The following DNM2 variants were observed in gnomAD, a reference collection of about 807,000 sequenced individuals.
The protein encoded by DNM2 is dynamin-2.
DNM2 carries 15 observed loss-of-function variants against 99.0 expected under a neutral mutation model. The ratio of observed to expected loss-of-function variants is 0.15; its 90% CI spans 0.10 to 0.23. DNM2 has a LOEUF of 0.23. Among genes scored for constraint, DNM2 ranks in the 10% least tolerant of loss-of-function variants. The pLI, the probability that DNM2 is intolerant of heterozygous loss-of-function variation, is 1.00. For missense variants in DNM2, 742 were observed against 1,189.4 expected (o/e 0.62, Z 5.53); for synonymous variants, 525 against 481.2 (o/e 1.09, Z -1.19).
chr19:10,802,652 C>T, intron 12 of DNM2: 1 of 477,778 alleles, frequency 2.1e-6, no homozygotes, highest in Non-Finnish European at 3.9e-6. Flanking sequence ...CTGCTGCACC[C>T]CCTCTCCTTC....
intron 9 of DNM2, 66 bp from the exon 10 acceptor site, chr19:10,797,314 C>G: frequency 6.3e-7 from 1 of 1,599,396 alleles, no homozygotes. Context: ...GTCTCCTGTC[C>G]TGCGTGTGTG....
At chr19:10,726,300 A>C (rs979255028) in intron 1 of DNM2, among the ~76,000 whole-genome samples, 1 of 151,456 alleles carries the variant, frequency 6.6e-6, no homozygotes, top group African/African-American at 2.4e-5. Context: ...GGCCCAAGCG[A>C]TCCTCCTGCC....
intron 11 of DNM2, among the ~76,000 whole-genome samples, chr19:10,800,069 C>T (rs2072082342): frequency 6.6e-6 from 1 of 152,126 alleles, no homozygotes; most frequent in Non-Finnish European, 1.5e-5. Flanking sequence ...GTTGGCCAGG[C>T]TGGTCTTGAA....
chr19:10,822,741 C>T (rs2073016300), intron 16 of DNM2, among the ~76,000 whole-genome samples: 1 of 152,034 alleles, frequency 6.6e-6, no homozygotes, highest in African/African-American at 2.4e-5. Flanking sequence ...TCAGTTGATC[C>T]TCCTGCCTCA....
At position 10,775,066 on chromosome 19, in the gene DNM2, T is replaced by G. The variant is rs138974393; in HGVS notation, c.386-637T>G. ...GATGACAGGCATGAGTCACCGCGCCTGGCCTCATCCATTTGTCTTTTGTTT... is the reference window on the plus strand; with the variant it reads ...GATGACAGGCATGAGTCACCGCGCCGGGCCTCATCCATTTGTCTTTTGTTT... On this transcript the variant is annotated intron_variant, in intron 3 of 20. Coordinates refer to ENST00000389253, the MANE Select transcript of DNM2 (RefSeq NM_001005361.3). The surrounding 1 kb of genome is among the most constrained non-coding windows in gnomAD (Gnocchi z 4.3). Among the ~76,000 whole-genome samples, 483 of 147,658 alleles carry G rather than the reference T, an allele frequency of 3.3e-3. 1 individual carries two copies. Among genetic ancestry groups the G allele is most frequent in the African/African-American group, 0.012 (469 of 39,830 alleles).
chr19:10,820,119 C>T lies in DNM2; in HGVS notation c.1781+30C>T, dbSNP rs373719275. The T allele has an allele frequency of 5.2e-5, 83 of 1,607,434 alleles. No homozygotes were observed. Among genetic ancestry groups the T allele is most frequent in the Non-Finnish European group, 6.5e-5 (76 of 1,174,456 alleles). The stretch of plus-strand genomic sequence containing the variant: ...GGGGCCCAGGGGCCTGGGGATGGCT[C>T]GGGGTGAAGACCAATGGCCTCATTC... On this transcript the variant is annotated intron_variant, in intron 16 of 20. Transcript: ENST00000389253. This position sits in a 1 kb window ranked among gnomAD's most constrained non-coding sequence, Gnocchi z 4.3.
intron 1 of DNM2, among the ~76,000 whole-genome samples, chr19:10,735,155 T>G (rs2145731303): frequency 6.6e-6 from 1 of 152,292 alleles, no homozygotes; most frequent in South Asian, 2.1e-4. Flanking sequence ...GCCATTCTCC[T>G]GCCTCAGCCT....
chr19:10,746,870 G>A (rs2070005496), intron 1 of DNM2, among the ~76,000 whole-genome samples: 1 of 150,942 alleles, frequency 6.6e-6, no homozygotes, highest in South Asian at 2.1e-4. Flanking sequence ...TCGAGTAGCT[G>A]GGATTACAGG....
intron 19 of DNM2, 131 bp from the exon 20 acceptor site, chr19:10,829,996 G>A: frequency 7.3e-7 from 1 of 1,368,078 alleles, no homozygotes; most frequent in Non-Finnish European, 1.0e-6. Flanking sequence ...TCAGGTTGGG[G>A]TGGGAGGATC....
intron 7 of DNM2, among the ~76,000 whole-genome samples, chr19:10,787,627 C>T (rs906791451): frequency 2.6e-5 from 4 of 151,558 alleles, no homozygotes; most frequent in African/African-American, 9.7e-5. Flanking sequence ...CGGTGGTGGG[C>T]ACCTGTAGTC....
rs1373384293 is a variant in DNM2, at chr19:10,816,559, A to C, written c.1672-3421A>C. Reference sequence around the variant, plus strand: ...ACGTGTCCAGATCGGATGGCTCCTCAAAATGGCTGGGGTGGGGTAGGGTGC... The same window carrying C: ...ACGTGTCCAGATCGGATGGCTCCTCCAAATGGCTGGGGTGGGGTAGGGTGC... On this transcript the variant is annotated intron_variant, in intron 15 of 20. Transcript: ENST00000389253. The surrounding 1 kb of genome is among the most constrained non-coding windows in gnomAD (Gnocchi z 4.6). 3.9e-5 allele frequency among the ~76,000 whole-genome samples: 6 copies of C among 152,126 alleles called. No individual in the cohort carries two copies. Among genetic ancestry groups the C allele is most frequent in the Non-Finnish European group, 8.8e-5 (6 of 68,002 alleles).
At chr19:10,783,343 T>C (rs1305822030) in intron 6 of DNM2, among the ~76,000 whole-genome samples, 2 of 152,186 alleles carry the variant, frequency 1.3e-5, no homozygotes, top group Admixed American at 6.5e-5. Context: ...GGCACATGCC[T>C]GTAGTCCCAG....
At chr19:10,804,249 A>G (rs371302278) in intron 12 of DNM2, among the ~76,000 whole-genome samples, 34 of 152,232 alleles carry the variant, frequency 2.2e-4, no homozygotes, top group African/African-American at 7.2e-4. Flanking sequence ...CCCTTAGGAA[A>G]TAGCACCTCT....
At chr19:10,823,767 T>G in intron 16 of DNM2, 21 bp from the exon 17 acceptor site, 7 of 1,586,632 alleles carry the variant, frequency 4.4e-6, no homozygotes, top group Non-Finnish European at 5.2e-6. Flanking sequence ...CTTGTGCCCC[T>G]CCTTCCCCAC....
Position 10,818,268 on chromosome 19 carries a change from C to T in DNM2, c.1672-1712C>T, listed in dbSNP as rs986964687. ...CGGGCCCCTCTCCTATGCTCTGCTC[C>T]CTCCATGGCCACCGGGCCCCTCTTC... On this transcript the variant is annotated intron_variant, in intron 15 of 20. Transcript: ENST00000389253. This position sits in a 1 kb window ranked among gnomAD's most constrained non-coding sequence, Gnocchi z 4.3. Among the ~76,000 whole-genome samples, 1 of 116,906 alleles carries T rather than the reference C, an allele frequency of 8.6e-6. No homozygotes were observed. Among genetic ancestry groups the T allele is most frequent in the Non-Finnish European group, 1.9e-5 (1 of 52,602 alleles). 76.7% of individuals were successfully genotyped at this position (116,906 alleles called of 152,430 possible).
chr19:10,726,048 G>A (rs1420156677), intron 1 of DNM2, among the ~76,000 whole-genome samples: 2 of 151,808 alleles, frequency 1.3e-5, no homozygotes, highest in Non-Finnish European at 2.9e-5. Flanking sequence ...GTGAAACCCT[G>A]TCTCTACTAA....
At chr19:10,757,911 C>A (rs2070451530) in intron 1 of DNM2, among the ~76,000 whole-genome samples, 1 of 148,368 alleles carries the variant, frequency 6.7e-6, no homozygotes, top group Non-Finnish European at 1.5e-5. Flanking sequence ...CCACTGCACT[C>A]CAGCCTGGGC....
At position 10,797,697 on chromosome 19, in the gene DNM2, G is replaced by A. The variant is rs371799468; in HGVS notation, c.1335+179G>A. On this transcript the variant is annotated intron_variant, in intron 10 of 20. Coordinates refer to ENST00000389253, the MANE Select transcript of DNM2 (RefSeq NM_001005361.3). ...TGGAATGGGGGGAGTGGCATCACAC[G>A]TGGGTTGTGGCTGCCCGTGGGGGCG... 2.6e-5 allele frequency among the ~76,000 whole-genome samples: 4 copies of A among 152,316 alleles called. No homozygotes were observed. In the East Asian group the frequency reaches 5.8e-4, roughly 22 times the overall value.
intron 1 of DNM2, among the ~76,000 whole-genome samples, chr19:10,739,785 G>A (rs61031443): frequency 0.1 from 15,568 of 150,274 alleles, 1,246 homozygotes; most frequent in East Asian, 0.37. Flanking sequence ...TGAACCTGGG[G>A]GGCAAGGTTG....
Sources: allele counts gnomAD v4.1 joint callset (sites outside exome capture counted in the v4.1 genomes callset), GRCh38; gene constraint gnomAD v4.1.1; non-coding constraint Gnocchi (gnomAD v3.1); transcripts MANE v1.5; gene names NCBI Gene and HGNC (gene_info 2026-07-23, HGNC 2026-07-21).